Variants in TBPL2 observed in about 807,000 individuals in gnomAD.
The protein encoded by TBPL2 is TATA box-binding protein-like 2.
A neutral mutation model predicts 38.2 loss-of-function variants in TBPL2; 40 were observed. That is an observed-to-expected ratio of 1.05 (90% confidence interval 0.81 to 1.36). The LOEUF is 1.36. TBPL2 is among the 40% of genes most tolerant of loss of function. TBPL2 has a pLI of 0.00. For missense variants in TBPL2, 461 were observed against 456.7 expected (o/e 1.01, Z -0.09); for synonymous variants, 169 against 171.7 (o/e 0.98, Z 0.12).
intron 5 of TBPL2, among the ~76,000 whole-genome samples, chr14:55,426,984 C>A (rs1885835231): frequency 6.6e-6 from 1 of 152,176 alleles, no homozygotes; most frequent in African/African-American, 2.4e-5. Context: ...GAAGGGAATG[C>A]TAAGTCTAAT....
chr14:55,432,538 G>C (rs1167816764), intron 4 of TBPL2, among the ~76,000 whole-genome samples: 1 of 150,294 alleles, frequency 6.7e-6, no homozygotes, highest in African/African-American at 2.5e-5. Flanking sequence ...AAAAACAAAA[G>C]ATAAATCTCT....
chr14:55,430,422 A>G (rs1303351062), intron 4 of TBPL2, among the ~76,000 whole-genome samples: 7 of 137,384 alleles, frequency 5.1e-5, no homozygotes, highest in South Asian at 2.4e-4. Context: ...AAAAAAAAAA[A>G]AGAGATTGGG....
At chr14:55,424,231 C>A in exon 6 of TBPL2, 3 of 1,612,680 alleles carry the variant, frequency 1.9e-6, no homozygotes, top group Non-Finnish European at 2.5e-6. Context: ...TAAATAAGAC[C>A]AGGAAACAGT....
chr14:55,439,930 C>CA (rs71131272), intron 1 of TBPL2, among the ~76,000 whole-genome samples: 3,147 of 39,170 alleles, frequency 0.08, 322 homozygotes, highest in African/African-American at 0.14. Flanking sequence ...GACTCTGTCT[C>CA]AAAAAAAAAA....
chr14:55,415,802 G>C (rs1885659897), intron 6 of TBPL2, among the ~76,000 whole-genome samples: 1 of 152,088 alleles, frequency 6.6e-6, no homozygotes, highest in Non-Finnish European at 1.5e-5. Context: ...GGAGGCGGGG[G>C]TTGCAATGAG....
Position 55,435,979 on chromosome 14 carries a change from G to GT in TBPL2, c.609-46dup, listed in dbSNP as rs762318668. 6.2e-6 allele frequency: 5 copies of GT among 812,924 alleles called. No individual in the cohort carries two copies. In the African/African-American group the frequency reaches 9.9e-5, roughly 16 times the overall value. 50.4% of individuals were successfully genotyped at this position (812,924 alleles called of 1,614,324 possible). ...TAGAAACTTATATCAGATATAAAGA[G>GT]TAAAAAAAAAAAAAGACAACTTATT... On this transcript the variant is annotated intron_variant, in intron 2 of 6. Transcript: ENST00000247219.
At chr14:55,436,822 A>G (rs1439912501) in exon 2 of TBPL2, 2 of 1,614,230 alleles carry the variant, frequency 1.2e-6, no homozygotes, top group Admixed American at 3.3e-5. Flanking sequence ...GTGTTTGCTA[A>G]TGACAGGCTG....
chr14:55,421,522 G>A (rs1885744702), intron 6 of TBPL2, among the ~76,000 whole-genome samples: 1 of 152,184 alleles, frequency 6.6e-6, no homozygotes, highest in African/African-American at 2.4e-5. Context: ...GGAGTGCAGT[G>A]GCGCGAACTT....
Position 55,440,495 on chromosome 14 carries a change from G to A in TBPL2, c.51C>T (p.Arg17=), listed in dbSNP as rs747225482. The A allele has an allele frequency of 5.6e-6, 9 of 1,612,416 alleles. No homozygotes were observed. The South Asian group carries it at 8.8e-5, about 16-fold the overall frequency. The change falls in exon 1 of 7, where the codon CGC becomes CGT. Residue 17 remains arginine (R), a synonymous_variant. Transcript: ENST00000247219. Reference sequence around the variant, plus strand: ...GGGGTGGGGGCGGGTAAGAGGGTAAGCGCGGAGCGAGCAGCCTCGGAACCC... The same window carrying A: ...GGGGTGGGGGCGGGTAAGAGGGTAAACGCGGAGCGAGCAGCCTCGGAACCC...
intron 3 of TBPL2, 111 bp downstream of exon 3, chr14:55,435,736 A>G: frequency 1.3e-6 from 1 of 788,526 alleles, no homozygotes; most frequent in Non-Finnish European, 2.0e-6. Context: ...AAGCTTTTTC[A>G]GTAACAATTT....
intron 6 of TBPL2, among the ~76,000 whole-genome samples, chr14:55,422,999 TAAC>T (rs1346154696): frequency 6.6e-6 from 1 of 151,554 alleles, no homozygotes; most frequent in African/African-American, 2.4e-5. Context: ...CAGGAAAAAA[TAAC>T]AAATATAGCA....
At chr14:55,419,320 A>G (rs949431086) in intron 6 of TBPL2, among the ~76,000 whole-genome samples, 6 of 152,248 alleles carry the variant, frequency 3.9e-5, no homozygotes, top group Non-Finnish European at 5.9e-5. Context: ...ACCAGACCCC[A>G]TGTGAAAGTC....
At chr14:55,425,630 G>C (rs1217847092) in intron 5 of TBPL2, among the ~76,000 whole-genome samples, 1 of 152,100 alleles carries the variant, frequency 6.6e-6, no homozygotes. Flanking sequence ...TGAGAATATC[G>C]AACACCTGCC....
At chr14:55,414,322 G>T in exon 7 of TBPL2, 1 of 1,294,980 alleles carries the variant, frequency 7.7e-7, no homozygotes, top group Non-Finnish European at 1.1e-6. Flanking sequence ...AGCTGTTTCT[G>T]TGCTGGGCTT....
chr14:55,429,766 C>CAAAAAAA (rs71131266), intron 4 of TBPL2, among the ~76,000 whole-genome samples: 8 of 52,372 alleles, frequency 1.5e-4, no homozygotes, highest in Non-Finnish European at 1.9e-4. Flanking sequence ...AACTCCGTCT[C>CAAAAAAA]AAAAAAAAAA....
At chr14:55,438,336 A>G (rs1328822411) in intron 1 of TBPL2, among the ~76,000 whole-genome samples, 1 of 152,182 alleles carries the variant, frequency 6.6e-6, no homozygotes, top group African/African-American at 2.4e-5. Context: ...AAATCAAGCT[A>G]TTCTCTTGAA....
At chr14:55,435,202 GACA>G (rs1566594917) in intron 3 of TBPL2, among the ~76,000 whole-genome samples, 1 of 152,002 alleles carries the variant, frequency 6.6e-6, no homozygotes, top group Non-Finnish European at 1.5e-5. Flanking sequence ...AGGTAGCTGA[GACA>G]ACATTTGGCA....
chr14:55,432,967 C>G (rs1885955636), intron 4 of TBPL2, among the ~76,000 whole-genome samples: 1 of 152,170 alleles, frequency 6.6e-6, no homozygotes, highest in African/African-American at 2.4e-5. Context: ...ATCCATTTAT[C>G]TGCAATGAGG....
At chr14:55,419,496 C>T (rs1885712643) in intron 6 of TBPL2, among the ~76,000 whole-genome samples, 1 of 152,140 alleles carries the variant, frequency 6.6e-6, no homozygotes, top group Admixed American at 6.5e-5. Flanking sequence ...AACATGGGCC[C>T]TAAATGTCAC....
Sources: allele counts gnomAD v4.1 joint callset (sites outside exome capture counted in the v4.1 genomes callset), GRCh38; gene constraint gnomAD v4.1.1; transcripts MANE v1.5; gene names NCBI Gene and HGNC (gene_info 2026-07-23, HGNC 2026-07-21).